Variants in TG observed in about 807,000 individuals in gnomAD.
The protein encoded by TG is thyroglobulin.
Under a neutral mutation model 324.7 loss-of-function variants are expected in TG, and 270 were observed. That is an observed-to-expected ratio of 0.83 (90% confidence interval 0.75 to 0.92). The LOEUF (loss-of-function observed/expected upper bound fraction) is 0.92. Ranked by LOEUF, TG falls within the 40% of genes least tolerant of loss-of-function variation. The pLI, the probability that TG is intolerant of heterozygous loss-of-function variation, is 0.00. For missense variants in TG, 3,591 were observed against 3,456.4 expected, an observed-to-expected ratio of 1.04 and a Z score of -0.98; for synonymous variants, 1,401 against 1,327.0, an observed-to-expected ratio of 1.06 and a Z score of -1.21.
At chr8:133,000,652 C>T (rs1345696319) in intron 35 of TG, among the ~76,000 whole-genome samples, 1 of 152,168 alleles carries the variant, frequency 6.6e-6, no homozygotes, top group East Asian at 1.9e-4. Context: ...GAGCACATCA[C>T]ATTATGTCTG....
intron 45 of TG, among the ~76,000 whole-genome samples, chr8:133,130,523 G>C (rs538058515): frequency 1.2e-4 from 18 of 152,232 alleles, no homozygotes; most frequent in African/African-American, 4.1e-4. Flanking sequence ...AGTTCTGATC[G>C]GCAGCCTCTA....
At chr8:133,033,955 C>T (rs932513612) in intron 41 of TG, among the ~76,000 whole-genome samples, 9 of 152,194 alleles carry the variant, frequency 5.9e-5, no homozygotes, top group African/African-American at 7.2e-5. Flanking sequence ...CTTAGCACAG[C>T]GCTTGGTTCA....
Position 132,882,532 on chromosome 8 carries a change from C to A in TG, c.809C>A (p.Thr270Asn). Residue 270 changes from threonine to asparagine, a missense_variant, in exon 7 of 48, where the codon ACC becomes AAC. Coordinates refer to ENST00000220616, the MANE Select transcript of TG (RefSeq NM_003235.5). The stretch of plus-strand genomic sequence containing the variant: ...TTTGCTGGCCTGGACCTTCCTTCCA[C>A]CTTCACTGAAACCACCCTGTACCGG... ...TIFAGLDLPS[T>N]FTETTLYRIL... 6.2e-7 allele frequency: 1 copy of A among 1,614,224 alleles called. No individual in the cohort carries two copies. Among genetic ancestry groups the A allele is most frequent in the Non-Finnish European group, 8.5e-7 (1 of 1,180,046 alleles).
intron 41 of TG, among the ~76,000 whole-genome samples, chr8:133,058,855 GAGA>G (rs1226561451): frequency 6.6e-6 from 1 of 152,194 alleles, no homozygotes; most frequent in Non-Finnish European, 1.5e-5. Flanking sequence ...CATTTGGCTT[GAGA>G]AGGAGAGTTA....
At chr8:132,918,516 A>C (rs1439140400) in intron 20 of TG, among the ~76,000 whole-genome samples, 1 of 152,196 alleles carries the variant, frequency 6.6e-6, no homozygotes, top group Non-Finnish European at 1.5e-5. Flanking sequence ...ATTTACTCAG[A>C]AATGCCAACT....
At chr8:132,919,258 T>A (rs1820796449) in intron 20 of TG, 118 bp from the exon 21 acceptor site, 3 of 1,111,456 alleles carry the variant, frequency 2.7e-6, no homozygotes, top group East Asian at 5.2e-5. Context: ...AGTGGACATT[T>A]GTTAAATGAA....
chr8:133,053,679 G>C (rs992467773), intron 41 of TG, among the ~76,000 whole-genome samples: 2 of 152,188 alleles, frequency 1.3e-5, no homozygotes, highest in Non-Finnish European at 2.9e-5. Flanking sequence ...CAGAACAATT[G>C]TCTTTCCTAA....
chr8:133,011,402 G>GC (rs1015275669), intron 35 of TG, among the ~76,000 whole-genome samples: 1 of 90,894 alleles, frequency 1.1e-5, no homozygotes, highest in Non-Finnish European at 2.5e-5. Context: ...TGGTCCTGCA[G>GC]GGGGGTCTCA....
chr8:133,127,627 G>GT (rs1186915524), intron 45 of TG, among the ~76,000 whole-genome samples: 4 of 152,130 alleles, frequency 2.6e-5, no homozygotes, highest in African/African-American at 9.7e-5. Flanking sequence ...GGTCTAGGCC[G>GT]TCACACCTTT....
At chr8:132,978,891 G>A (rs1830492448) in intron 34 of TG, among the ~76,000 whole-genome samples, 1 of 152,176 alleles carries the variant, frequency 6.6e-6, no homozygotes, top group African/African-American at 2.4e-5. Flanking sequence ...AAAGAGAAAA[G>A]CACAGACCTA....
chr8:132,939,045 CAAAAAAAAAAAAA>C (rs36002632), intron 25 of TG, among the ~76,000 whole-genome samples: 1 of 67,778 alleles, frequency 1.5e-5, no homozygotes, highest in African/African-American at 5.9e-5. Flanking sequence ...GCAGGAGTCT[CAAAAAAAAAAAAA>C]AAAAAAAAAA....
intron 41 of TG, chr8:133,038,730 C>T: frequency 6.2e-7 from 1 of 1,613,022 alleles, no homozygotes; most frequent in Non-Finnish European, 8.5e-7. Flanking sequence ...TCGGGGTCCT[C>T]CTGCAGTCTG....
Position 132,898,388 on chromosome 8 carries a change from A to G in TG, c.3217+142A>G. On this transcript the variant is annotated intron_variant, in intron 13 of 47. Coordinates refer to ENST00000220616, the MANE Select transcript of TG (RefSeq NM_003235.5). ...CGGGTGCAGCCAGACGCATTTCCCA[A>G]GTCCCCAGGCCTGCAAGCTTGCGCT... 4 of 829,712 alleles carry G rather than the reference A, an allele frequency of 4.8e-6. No homozygotes were observed. The South Asian group carries it at 5.9e-5, about 12-fold the overall frequency. 51.4% of individuals were successfully genotyped at this position (829,712 alleles called of 1,614,324 possible).
intron 43 of TG, among the ~76,000 whole-genome samples, chr8:133,100,086 A>G (rs1849014108): frequency 6.6e-6 from 1 of 152,168 alleles, no homozygotes; most frequent in African/African-American, 2.4e-5. Context: ...TAGCTCTCTG[A>G]CCTTAACTCC....
At chr8:132,917,315 A>G in intron 20 of TG, among the ~76,000 whole-genome samples, 1 of 151,990 alleles carries the variant, frequency 6.6e-6, no homozygotes, top group Non-Finnish European at 1.5e-5. Flanking sequence ...TGCTGGCAGA[A>G]GTCTTGAAAG....
chr8:133,096,368 G>A lies in TG; in HGVS notation c.7567G>A (p.Val2523Met). 1 of 1,614,204 alleles carries A rather than the reference G, an allele frequency of 6.2e-7. No homozygotes were observed. The highest frequency in any genetic ancestry group is 1.3e-5 in the African/African-American group (1 of 75,060). Residue 2523 changes from valine (V) to methionine (M), a missense_variant, in exon 43 of 48, where the codon GTG (valine) becomes ATG (methionine). Transcript: ENST00000220616. ...CGGGCTCATCAACAGAGCAAAGGCT[G>A]TGAAGGTAAGCAGGGAGGGGGCCTC... ...DDGLINRAKAVKQFEESRGRT... is the reference protein window; with the variant it reads ...DDGLINRAKAMKQFEESRGRT...
intron 31 of TG, among the ~76,000 whole-genome samples, chr8:132,969,254 T>C (rs1829115722): frequency 6.6e-6 from 1 of 152,128 alleles, no homozygotes; most frequent in South Asian, 2.1e-4. Flanking sequence ...TGTTGCTGTG[T>C]CTCCACTTTT....
intron 23 of TG, 62 bp downstream of exon 23, chr8:132,929,254 T>C: frequency 7.8e-7 from 1 of 1,286,654 alleles, no homozygotes; most frequent in African/African-American, 1.5e-5. Flanking sequence ...CTGCTGAGAG[T>C]TGTCGAGACA....
Position 132,906,536 on chromosome 8 carries a change from G to A in TG, c.3635-152G>A. The A allele has an allele frequency of 4.8e-6, 4 of 838,996 alleles. No individual in the cohort carries two copies. The East Asian group carries it at 7.9e-5, about 17-fold the overall frequency. 52.0% of individuals were successfully genotyped at this position (838,996 alleles called of 1,614,324 possible). ...GCAGGGCAGAGAGAAAGGGGAGCAG[G>A]CCCAGGCCAGGCCCTGAGAGCTTGA... On this transcript the variant is annotated intron_variant, in intron 16 of 47. Coordinates refer to ENST00000220616, the MANE Select transcript of TG (RefSeq NM_003235.5).
Sources: allele counts gnomAD v4.1 joint callset (sites outside exome capture counted in the v4.1 genomes callset), GRCh38; gene constraint gnomAD v4.1.1; transcripts MANE v1.5; gene names NCBI Gene and HGNC (gene_info 2026-07-23, HGNC 2026-07-21).